MED13L: variants seen among roughly 807,000 people sequenced by gnomAD.
The protein encoded by MED13L is mediator complex subunit 13L.
MED13L carries 7 observed loss-of-function variants against 220.9 expected under a neutral mutation model. The observed-to-expected ratio is 0.03, with a 90% CI of 0.02 to 0.06. The LOEUF is 0.06. MED13L is among the 10% of genes least tolerant of loss of function. The probability of loss-of-function intolerance (pLI) is 1.00; values close to 1 mark genes in which losing one functional copy is unlikely to be tolerated. For missense variants in MED13L, 1,965 were observed against 2,760.5 expected (o/e 0.71, Z 6.46); for synonymous variants, 1,011 against 1,015.2 (o/e 1.00, Z 0.08).
At chr12:116,227,871 G>C (rs951589089) in intron 2 of MED13L, among the ~76,000 whole-genome samples, 3 of 152,078 alleles carry the variant, frequency 2.0e-5, no homozygotes, top group African/African-American at 7.2e-5. Context: ...AGCCAAGATA[G>C]GCTGAAAACT....
chr12:116,000,188 A>G (rs970320572), intron 14 of MED13L, among the ~76,000 whole-genome samples: 2 of 152,214 alleles, frequency 1.3e-5, no homozygotes, highest in African/African-American at 2.4e-5. Flanking sequence ...ACCCTAAAGA[A>G]ATTTTGAGAT....
chr12:116,177,860 A>AT (rs902431482), intron 2 of MED13L, among the ~76,000 whole-genome samples: 3 of 151,554 alleles, frequency 2.0e-5, no homozygotes, highest in East Asian at 1.9e-4. Context: ...CCAAGAAACA[A>AT]TTTTTTTTTA....
intron 1 of MED13L, among the ~76,000 whole-genome samples, chr12:116,270,619 C>T (rs1002552682): frequency 2.0e-5 from 3 of 152,056 alleles, no homozygotes; most frequent in East Asian, 1.9e-4. Context: ...ATTTACAATT[C>T]GTTTATGTTA....
chr12:116,097,639 A>G (rs1313092013), intron 3 of MED13L, among the ~76,000 whole-genome samples: 1 of 152,198 alleles, frequency 6.6e-6, no homozygotes, highest in African/African-American at 2.4e-5. Flanking sequence ...AGGAATTGCA[A>G]TTGTGTCTTC....
At chr12:116,027,410 ACT>A (rs1381309948) in intron 4 of MED13L, among the ~76,000 whole-genome samples, 1 of 152,058 alleles carries the variant, frequency 6.6e-6, no homozygotes, top group Non-Finnish European at 1.5e-5. Flanking sequence ...TGACAGAGAG[ACT>A]CTGTCTCAAA....
chr12:116,042,473 G>A (rs984181494), intron 4 of MED13L, among the ~76,000 whole-genome samples: 5 of 152,214 alleles, frequency 3.3e-5, no homozygotes, highest in African/African-American at 1.2e-4. Flanking sequence ...ATAATGGAAG[G>A]CAAGGCACAT....
At chr12:116,124,122 A>ATG (rs1565888715) in intron 2 of MED13L, among the ~76,000 whole-genome samples, 1 of 91,224 alleles carries the variant, frequency 1.1e-5, no homozygotes, top group Admixed American at 1.3e-4. Context: ...AGAGAGAAAG[A>ATG]CGAGAGAGAG....
intron 4 of MED13L, among the ~76,000 whole-genome samples, chr12:116,052,652 C>T (rs1286797408): frequency 1.3e-5 from 2 of 152,182 alleles, no homozygotes; most frequent in African/African-American, 4.8e-5. Flanking sequence ...TGTTAAGATT[C>T]TGGTTTGCAT....
chr12:116,106,279 A>G (rs1873568025), intron 3 of MED13L, among the ~76,000 whole-genome samples: 1 of 152,204 alleles, frequency 6.6e-6, no homozygotes, highest in Admixed American at 6.5e-5. Context: ...GGCTGGCAAG[A>G]AAAGGTGGGG....
chr12:115,997,298 A>G, intron 14 of MED13L, 68 bp from the exon 15 acceptor site: 1 of 1,357,862 alleles, frequency 7.4e-7, no homozygotes, highest in Non-Finnish European at 1.0e-6. Flanking sequence ...GCTTATAGCC[A>G]GGCGCACTCT....
intron 23 of MED13L, among the ~76,000 whole-genome samples, chr12:115,977,021 G>C (rs893051624): frequency 1.3e-5 from 2 of 152,128 alleles, no homozygotes; most frequent in African/African-American, 4.8e-5. Flanking sequence ...AAATTAGCCA[G>C]GCATGATGGT....
intron 1 of MED13L, among the ~76,000 whole-genome samples, chr12:116,275,969 A>T (rs995924788): frequency 6.6e-6 from 1 of 152,238 alleles, no homozygotes; most frequent in Non-Finnish European, 1.5e-5. Context: ...AAGACCACGC[A>T]CTGCAATTAT....
intron 3 of MED13L, among the ~76,000 whole-genome samples, chr12:116,102,567 T>A (rs1281435917): frequency 5.3e-5 from 8 of 151,930 alleles, no homozygotes; most frequent in African/African-American, 1.9e-4. Context: ...CCAATCCAAA[T>A]CAAATATATA....
intron 3 of MED13L, among the ~76,000 whole-genome samples, chr12:116,108,404 C>CGGGGGG (rs1873787446): frequency 4.9e-5 from 2 of 40,830 alleles, no homozygotes; most frequent in South Asian, 8.1e-4. Context: ...GGGGGGGGCG[C>CGGGGGG]GTGGGGGGTG....
chr12:116,071,925 A>C (rs1050449249), intron 4 of MED13L, among the ~76,000 whole-genome samples: 6 of 152,228 alleles, frequency 3.9e-5, no homozygotes, highest in Non-Finnish European at 5.9e-5. Context: ...GGTATAAGTA[A>C]GTACTATGGG....
At chr12:116,023,329 C>T (rs1880174732) in intron 4 of MED13L, among the ~76,000 whole-genome samples, 1 of 152,118 alleles carries the variant, frequency 6.6e-6, no homozygotes, top group South Asian at 2.1e-4. Context: ...GATCAGAAGG[C>T]AACCCCTCAG....
At chr12:116,179,731 A>G (rs563109078) in intron 2 of MED13L, among the ~76,000 whole-genome samples, 3 of 152,126 alleles carry the variant, frequency 2.0e-5, no homozygotes, top group Non-Finnish European at 4.4e-5. Context: ...AATAGAAGAA[A>G]GAAAAAAAGA....
chr12:116,156,402 TAA>T (rs11366103), intron 2 of MED13L, among the ~76,000 whole-genome samples: 416 of 119,422 alleles, frequency 3.5e-3, no homozygotes, highest in African/African-American at 9.6e-3. Context: ...TCCAATTACT[TAA>T]AAAAAAAAAA....
chr12:116,257,310 C>G (rs1025456663), intron 1 of MED13L, among the ~76,000 whole-genome samples: 1 of 152,216 alleles, frequency 6.6e-6, no homozygotes, highest in Non-Finnish European at 1.5e-5. Flanking sequence ...TAGTAACATA[C>G]ACTTTACACT....
Sources: gnomAD v4.1 joint callset for allele counts (sites outside exome capture counted in the v4.1 genomes callset) on GRCh38, gnomAD v4.1.1 for gene constraint, MANE v1.5 for transcripts, NCBI Gene and HGNC (gene_info 2026-07-23, HGNC 2026-07-21) for gene names.